MORC3: variants seen among roughly 807,000 people sequenced by gnomAD.
MORC3 encodes the protein MORC family CW-type zinc finger 3, also known as MORC family CW-type zinc finger protein 3.
MORC3 carries 31 observed loss-of-function variants against 109.1 expected under a neutral mutation model. The observed-to-expected ratio is 0.28, with a 90% CI of 0.21 to 0.38. The LOEUF is 0.38. Among genes scored for constraint, MORC3 ranks in the 10% least tolerant of loss-of-function variants. MORC3 has a pLI of 1.00. For missense variants in MORC3, 867 were observed against 1,135.8 expected, an observed-to-expected ratio of 0.76 and a Z score of 3.40; for synonymous variants, 395 against 380.7, an observed-to-expected ratio of 1.04 and a Z score of -0.44.
At chr21:36,329,015 G>A (rs979001293) in intron 1 of MORC3, among the ~76,000 whole-genome samples, 2 of 151,986 alleles carry the variant, frequency 1.3e-5, no homozygotes, top group Admixed American at 6.6e-5. Flanking sequence ...TTTACAGGCC[G>A]GGCAGGGTGG....
rs1202729285 is a variant in MORC3 at position 36,353,755 on chromosome 21, A to AT, written c.1104-2843dup. Among the ~76,000 whole-genome samples, 673 of 70,984 alleles carry AT rather than the reference A, an allele frequency of 9.5e-3. 20 individuals carry two copies. The highest frequency in any genetic ancestry group is 0.015 in the Middle Eastern group (1 of 68). 46.6% of individuals were successfully genotyped at this position (70,984 alleles called of 152,430 possible). ...GCCACCAAGCCCGGCTAATTTTTGT[A>AT]TTTTTTTTTTTTTTTTTTTTTTAGT... On this transcript the variant is annotated intron_variant, in intron 9 of 16. Coordinates refer to ENST00000400485, the MANE Select transcript of MORC3 (RefSeq NM_015358.3).
intron 8 of MORC3, among the ~76,000 whole-genome samples, chr21:36,346,820 C>CA (rs201214247): frequency 0.024 from 3,598 of 151,486 alleles, 57 homozygotes; most frequent in Admixed American, 0.046. Context: ...AACAAACAAA[C>CA]AAACAAAAAT....
intron 15 of MORC3, 116 bp from the exon 16 acceptor site, chr21:36,372,258 G>T (rs554625015): frequency 1.2e-6 from 1 of 862,654 alleles, no homozygotes; most frequent in African/African-American, 1.7e-5. Flanking sequence ...TTGTGTATTT[G>T]TTTTTTGATA....
At chr21:36,365,059 A>AAAC (rs1272183611) in intron 14 of MORC3, among the ~76,000 whole-genome samples, 5 of 151,624 alleles carry the variant, frequency 3.3e-5, no homozygotes, top group Admixed American at 2.0e-4. Context: ...CTCAAAAAAA[A>AAAC]AAAAAAAAAA....
intron 1 of MORC3, among the ~76,000 whole-genome samples, chr21:36,330,079 C>T (rs2085297642): frequency 6.6e-6 from 1 of 152,136 alleles, no homozygotes; most frequent in African/African-American, 2.4e-5. Context: ...TCAGGCTGGT[C>T]TCAAACTGCT....
Position 36,370,637 on chromosome 21 carries a change from ATATTTTTTTTTTTTT to A in MORC3, c.2508+763_2508+777del, listed in dbSNP as rs1258217418. Among the ~76,000 whole-genome samples, 30 of 28,688 alleles carry A rather than the reference ATATTTTTTTTTTTTT, an allele frequency of 1.0e-3. No homozygotes were observed. The South Asian group carries it at 0.016, about 16-fold the overall frequency. 18.8% of individuals were successfully genotyped at this position (28,688 alleles called of 152,430 possible). A position where few individuals can be genotyped will look rare whatever the true frequency, so the allele number is the denominator to read the frequency against. On this transcript the variant is annotated intron_variant, in intron 15 of 16. Transcript: ENST00000400485. ...CATATATATATATATATATATATAT[ATATTTTTTTTTTTTT>A]TTTTTTTTTTTTTTTTTTTCTTCTT... is the stretch of plus-strand genomic sequence containing the variant.
At chr21:36,330,019 G>A (rs1369944374) in intron 1 of MORC3, among the ~76,000 whole-genome samples, 2 of 151,866 alleles carry the variant, frequency 1.3e-5, no homozygotes, top group Non-Finnish European at 2.9e-5. Flanking sequence ...TGAGCCACCA[G>A]GCCCAGCTAA....
intron 14 of MORC3, among the ~76,000 whole-genome samples, chr21:36,365,080 A>G (rs1038634405): frequency 1.3e-5 from 2 of 150,434 alleles, no homozygotes; most frequent in African/African-American, 4.9e-5. Flanking sequence ...ACATGAAGCA[A>G]TTAACAGTAC....
At chr21:36,358,978 C>T (rs917412344) in intron 10 of MORC3, among the ~76,000 whole-genome samples, 4 of 152,074 alleles carry the variant, frequency 2.6e-5, no homozygotes, top group African/African-American at 7.2e-5. Context: ...CGCGCCCAGC[C>T]TTGATTTTTA....
At chr21:36,330,142 G>A (rs1338177190) in intron 1 of MORC3, among the ~76,000 whole-genome samples, 1 of 151,982 alleles carries the variant, frequency 6.6e-6, no homozygotes, top group Non-Finnish European at 1.5e-5. Flanking sequence ...GATTACAGGT[G>A]TGAGCCACCA....
At chr21:36,333,217 G>A (rs2085335470) in intron 1 of MORC3, among the ~76,000 whole-genome samples, 4 of 152,192 alleles carry the variant, frequency 2.6e-5, no homozygotes, top group Admixed American at 2.6e-4. Context: ...TAGTGATCAA[G>A]CACAGTTAAG....
chr21:36,347,532 G>A (rs1350894689), intron 8 of MORC3, among the ~76,000 whole-genome samples: 1 of 152,158 alleles, frequency 6.6e-6, no homozygotes, highest in East Asian at 1.9e-4. Context: ...CCTAGTATTT[G>A]CATTCTGTGG....
At chr21:36,364,726 A>G (rs2085759280) in intron 14 of MORC3, among the ~76,000 whole-genome samples, 1 of 152,066 alleles carries the variant, frequency 6.6e-6, no homozygotes, top group African/African-American at 2.4e-5. Context: ...TAGTATGACA[A>G]TTCCTGCTTT....
intron 2 of MORC3, among the ~76,000 whole-genome samples, chr21:36,336,044 G>A (rs1332868427): frequency 6.6e-6 from 1 of 151,338 alleles, no homozygotes; most frequent in African/African-American, 2.4e-5. Flanking sequence ...TCCTGCCTCA[G>A]CCTCCTGAGT....
rs765250254 is a variant in MORC3 at position 36,320,215 on chromosome 21, C to G, written c.-50C>G. 15 of 1,561,662 alleles carry G rather than the reference C, an allele frequency of 9.6e-6. No individual in the cohort carries two copies. The highest frequency in any genetic ancestry group is 4.7e-5 in the South Asian group (4 of 85,424). On this transcript the variant is annotated 5_prime_UTR_variant, in exon 1 of 17. Transcript: ENST00000400485. ...GGGCTCCACAGTCGTTCCGCCACCT[C>G]CCAGTCGGGTTGCGGCGGAGGCCGT...
At chr21:36,336,562 A>G (rs2085378325) in intron 2 of MORC3, among the ~76,000 whole-genome samples, 2 of 152,306 alleles carry the variant, frequency 1.3e-5, no homozygotes, top group South Asian at 2.1e-4. Flanking sequence ...TCTTTTAATC[A>G]TCTCTGCAGT....
chr21:36,364,583 C>T (rs893692350), intron 14 of MORC3, among the ~76,000 whole-genome samples: 3 of 151,238 alleles, frequency 2.0e-5, no homozygotes, highest in South Asian at 4.2e-4. Flanking sequence ...ACTCCAGAGG[C>T]GGAGGCTGAG....
intron 9 of MORC3, among the ~76,000 whole-genome samples, chr21:36,351,721 G>A (rs1019883333): frequency 1.3e-5 from 2 of 152,138 alleles, no homozygotes; most frequent in African/African-American, 4.8e-5. Flanking sequence ...GGGAACCCTC[G>A]TACACTATTA....
intron 12 of MORC3, among the ~76,000 whole-genome samples, chr21:36,361,161 A>G (rs899377382): frequency 2.6e-5 from 4 of 152,062 alleles, no homozygotes; most frequent in African/African-American, 9.7e-5. Context: ...TACCACACAC[A>G]GAAGGCCAGG....
Sources: allele counts gnomAD v4.1 joint callset (sites outside exome capture counted in the v4.1 genomes callset), GRCh38; gene constraint gnomAD v4.1.1; transcripts MANE v1.5; gene names NCBI Gene and HGNC (gene_info 2026-07-23, HGNC 2026-07-21).